Variants in TMEM14B observed in about 807,000 individuals in gnomAD.
TMEM14B encodes transmembrane protein 14B.
TMEM14B carries 9 observed loss-of-function variants against 14.8 expected under a neutral mutation model. That is an observed-to-expected ratio of 0.61 (90% CI 0.37 to 1.06). TMEM14B has a LOEUF of 1.06. Ranked by LOEUF, TMEM14B falls within the 50% of genes least tolerant of loss-of-function variation. TMEM14B has a pLI of 0.01. For missense variants in TMEM14B, 128 were observed against 143.6 expected, an observed-to-expected ratio of 0.89 and a Z score of 0.56; for synonymous variants, 40 against 51.3, an observed-to-expected ratio of 0.78 and a Z score of 0.94.
In TMEM14B at chr6:10,756,571, C is replaced by T. The variant is rs1771810320; in HGVS notation, c.*53C>T. On this transcript the variant is annotated 3_prime_UTR_variant, in exon 6 of 6. Coordinates refer to ENST00000379542, the MANE Select transcript of TMEM14B (RefSeq NM_030969.5). ...TGAAGGATTAAAAATCTGCATCTTC[C>T]ACTATTTTCAATGTATTAAGAGAAA... is the stretch of plus-strand genomic sequence containing the variant. 3 of 1,591,826 alleles carry T rather than the reference C, an allele frequency of 1.9e-6. No individual in the cohort carries two copies. Among genetic ancestry groups the T allele is most frequent in the Admixed American group, 1.8e-5 (1 of 54,684 alleles).
At chr6:10,753,224 G>A (rs1187315238) in intron 4 of TMEM14B, among the ~76,000 whole-genome samples, 3 of 151,932 alleles carry the variant, frequency 2.0e-5, no homozygotes, top group Admixed American at 6.6e-5. Flanking sequence ...CAACAAGAGC[G>A]AAACTCCGTT....
At chr6:10,751,998 A>G (rs1235237258) in intron 4 of TMEM14B, among the ~76,000 whole-genome samples, 1 of 152,006 alleles carries the variant, frequency 6.6e-6, no homozygotes, top group African/African-American at 2.4e-5. Context: ...AATGAGTGCC[A>G]TGTGGGAGGG....
chr6:10,748,023 C>G (rs754671468), intron 1 of TMEM14B, 142 bp downstream of exon 1: 1 of 152,388 alleles, frequency 6.6e-6, no homozygotes, highest in Admixed American at 6.5e-5. Flanking sequence ...TGCTTTTCTC[C>G]TTGGGTATTT....
At chr6:10,751,033 GTTC>G (rs1771533306) in intron 3 of TMEM14B, 97 bp from the exon 4 acceptor site, 2 of 1,428,640 alleles carry the variant, frequency 1.4e-6, no homozygotes, top group Non-Finnish European at 1.9e-6. Flanking sequence ...TGTGTTGAGA[GTTC>G]TTTGTGCTGT....
intron 1 of TMEM14B, among the ~76,000 whole-genome samples, chr6:10,748,929 T>G (rs1771441440): frequency 6.6e-6 from 1 of 152,206 alleles, no homozygotes; most frequent in Non-Finnish European, 1.5e-5. Flanking sequence ...ATTCCCTGAT[T>G]ATAGAGCTGG....
intron 3 of TMEM14B, chr6:10,750,171 CTA>C: frequency 6.0e-6 from 1 of 166,934 alleles, no homozygotes; most frequent in Non-Finnish European, 1.3e-5. Context: ...TCCTGATCTT[CTA>C]TTTTTTTTTT....
chr6:10,759,331 G>A (rs1771906555), downstream of TMEM14B: 1 of 152,164 alleles, frequency 6.6e-6, no homozygotes, highest in Admixed American at 6.5e-5. Context: ...CGGGAGCAGT[G>A]GCTCATGCTT....
At chr6:10,759,557 G>C (rs1771912537), downstream of TMEM14B, 1 of 152,202 alleles carries the variant, frequency 6.6e-6, no homozygotes, top group South Asian at 2.1e-4. Flanking sequence ...CCTCCCACTA[G>C]TGGTGGCTTT....
chr6:10,749,086 G>A, intron 1 of TMEM14B, 116 bp from the exon 2 acceptor site: 1 of 655,812 alleles, frequency 1.5e-6, no homozygotes, highest in South Asian at 1.8e-5. Context: ...TTATCCTCAT[G>A]GTACAGTGAA....
chr6:10,753,230 C>G (rs1296459300), intron 4 of TMEM14B, among the ~76,000 whole-genome samples: 1 of 152,008 alleles, frequency 6.6e-6, no homozygotes, highest in African/African-American at 2.4e-5. Context: ...GAGCGAAACT[C>G]CGTTTCAAAA....
rs1379489838 is a variant in TMEM14B at position 10,756,577 on chromosome 6, T to C, written c.*59T>C. 17 of 1,589,710 alleles carry C rather than the reference T, an allele frequency of 1.1e-5. No individual in the cohort carries two copies. Among genetic ancestry groups the C allele is most frequent in the Non-Finnish European group, 1.5e-5 (17 of 1,171,572 alleles). The stretch of plus-strand genomic sequence containing the variant: ...ATTAAAAATCTGCATCTTCCACTAT[T>C]TTCAATGTATTAAGAGAAATAAGTG... On this transcript the variant is annotated 3_prime_UTR_variant, in exon 6 of 6. Coordinates refer to ENST00000379542, the MANE Select transcript of TMEM14B (RefSeq NM_030969.5).
chr6:10,752,311 T>C (rs941160100), intron 4 of TMEM14B, among the ~76,000 whole-genome samples: 1 of 152,062 alleles, frequency 6.6e-6, no homozygotes, highest in South Asian at 2.1e-4. Context: ...TGTCTTCCTC[T>C]GGGCTTTGGG....
In TMEM14B at chr6:10,747,854, C is replaced by G. The variant is rs370682661; in HGVS notation, c.-72C>G. The G allele has an allele frequency of 1.3e-5, 2 of 152,304 alleles. No homozygotes were observed. Among genetic ancestry groups the G allele is most frequent in the South Asian group, 2.1e-4 (1 of 4,838 alleles). 9.4% of individuals were successfully genotyped at this position (152,304 alleles called of 1,614,324 possible). On this transcript the variant is annotated 5_prime_UTR_variant, in exon 1 of 6. Coordinates refer to ENST00000379542, the MANE Select transcript of TMEM14B (RefSeq NM_030969.5). ...CTGCTGTGTCCCGCGGCTTGCGCTC[C>G]GTAGTGGACTCCGCGGGCCTTCGGC...
At chr6:10,758,405 A>G (rs1291029838), downstream of TMEM14B, among the ~76,000 whole-genome samples, 1 of 152,190 alleles carries the variant, frequency 6.6e-6, no homozygotes, top group African/African-American at 2.4e-5. Flanking sequence ...ATCCCCAGCA[A>G]TCAGCCTGGA....
chr6:10,756,528 T>C lies in TMEM14B; in HGVS notation c.*10T>C. 6.2e-7 allele frequency: 1 copy of C among 1,613,054 alleles called. No individual in the cohort carries two copies. Among genetic ancestry groups the C allele is most frequent in the Non-Finnish European group, 8.5e-7 (1 of 1,179,594 alleles). On this transcript the variant is annotated 3_prime_UTR_variant, in exon 6 of 6. Coordinates refer to ENST00000379542, the MANE Select transcript of TMEM14B (RefSeq NM_030969.5). ...GATGACATCTGATTAGCAGAAGTCA[T>C]GTTCCAGCTTGGACTCATGAAGGAT... is the stretch of plus-strand genomic sequence containing the variant.
chr6:10,752,340 C>T (rs567746358), intron 4 of TMEM14B, among the ~76,000 whole-genome samples: 1 of 152,072 alleles, frequency 6.6e-6, no homozygotes, highest in South Asian at 2.1e-4. Context: ...CCCTGACCGT[C>T]TCCAGACCTT....
At chr6:10,749,095 A>T in intron 1 of TMEM14B, 107 bp from the exon 2 acceptor site, 1 of 702,256 alleles carries the variant, frequency 1.4e-6, no homozygotes, top group Non-Finnish European at 2.5e-6. Context: ...TGGTACAGTG[A>T]AGGATACTGA....
At chr6:10,749,975 T>G (rs1771483951) in intron 3 of TMEM14B, 1 of 482,468 alleles carries the variant, frequency 2.1e-6, no homozygotes, top group South Asian at 2.1e-5. Flanking sequence ...TGACTGCCAT[T>G]CATCAGCCAT....
intron 4 of TMEM14B, among the ~76,000 whole-genome samples, chr6:10,752,082 G>C (rs1471378926): frequency 6.6e-6 from 1 of 152,004 alleles, no homozygotes; most frequent in Non-Finnish European, 1.5e-5. Flanking sequence ...GGTGTGCTGG[G>C]GAAGGAGGTG....
Sources: gnomAD v4.1 joint callset for allele counts (sites outside exome capture counted in the v4.1 genomes callset) on GRCh38, gnomAD v4.1.1 for gene constraint, MANE v1.5 for transcripts, NCBI Gene and HGNC (gene_info 2026-07-23, HGNC 2026-07-21) for gene names.